Variants in EGFLAM observed in about 807,000 individuals in gnomAD.
The protein encoded by EGFLAM is EGF like, fibronectin type III and laminin G domains, also known as pikachurin.
In EGFLAM, 79 loss-of-function variants were observed where a neutral mutation model predicts 113.1. The ratio of observed to expected loss-of-function variants is 0.70; its 90% CI spans 0.58 to 0.84. EGFLAM has a LOEUF of 0.84. Among genes scored for constraint, EGFLAM ranks in the 40% least tolerant of loss-of-function variants. The pLI, the probability that EGFLAM is intolerant of heterozygous loss-of-function variation, is 0.00. For missense variants in EGFLAM, 1,265 were observed against 1,291.6 expected, an observed-to-expected ratio of 0.98 and a Z score of 0.32; for synonymous variants, 504 against 487.6, an observed-to-expected ratio of 1.03 and a Z score of -0.44.
At chr5:38,436,353 T>A (rs1455637001) in intron 16 of EGFLAM, among the ~76,000 whole-genome samples, 1 of 152,168 alleles carries the variant, frequency 6.6e-6, no homozygotes, top group African/African-American at 2.4e-5. Context: ...AGATGGAGCA[T>A]GAGGGAGGCT....
chr5:38,464,003 C>T lies in EGFLAM; in HGVS notation c.*17C>T. Reference sequence around the variant, plus strand: ...GCCAAGTAACACCAGCTGGCCTTGTCCAAGGGACAGAGCCTTCTATTCTGA... The same window carrying T: ...GCCAAGTAACACCAGCTGGCCTTGTTCAAGGGACAGAGCCTTCTATTCTGA... On this transcript the variant is annotated 3_prime_UTR_variant, in exon 22 of 22. Coordinates refer to ENST00000322350, the MANE Select transcript of EGFLAM (RefSeq NM_152403.4). 6.2e-7 allele frequency: 1 copy of T among 1,614,098 alleles called. No individual in the cohort carries two copies. The highest frequency in any genetic ancestry group is 8.5e-7 in the Non-Finnish European group (1 of 1,179,992).
At chr5:38,285,967 A>G (rs1758151443) in intron 1 of EGFLAM, 2 of 152,126 alleles carry the variant, frequency 1.3e-5, no homozygotes, top group Admixed American at 1.3e-4. Flanking sequence ...ACTTAGGTAG[A>G]CTTTCTTTTG....
intron 12 of EGFLAM, among the ~76,000 whole-genome samples, chr5:38,420,353 G>A (rs1275122834): frequency 1.3e-5 from 2 of 152,232 alleles, no homozygotes; most frequent in Non-Finnish European, 2.9e-5. Flanking sequence ...TATTAAAGCT[G>A]TCACTATGGT....
At chr5:38,433,160 A>G (rs1220927608) in intron 15 of EGFLAM, among the ~76,000 whole-genome samples, 1 of 152,190 alleles carries the variant, frequency 6.6e-6, no homozygotes, top group African/African-American at 2.4e-5. Context: ...CTGACAGGGC[A>G]GTGGTCTTAG....
intron 1 of EGFLAM, among the ~76,000 whole-genome samples, chr5:38,284,423 G>T (rs1433856617): frequency 6.6e-6 from 1 of 152,206 alleles, no homozygotes; most frequent in Non-Finnish European, 1.5e-5. Flanking sequence ...AGCAAAAGCA[G>T]CCACAGGCTA....
At chr5:38,273,486 A>G (rs1332357574) in intron 1 of EGFLAM, among the ~76,000 whole-genome samples, 2 of 152,254 alleles carry the variant, frequency 1.3e-5, no homozygotes, top group Non-Finnish European at 2.9e-5. Context: ...GTGCTGTACT[A>G]GCTTCAGTGG....
At chr5:38,418,625 A>G (rs961871564) in intron 12 of EGFLAM, among the ~76,000 whole-genome samples, 2 of 152,214 alleles carry the variant, frequency 1.3e-5, no homozygotes, top group Non-Finnish European at 2.9e-5. Flanking sequence ...TAATGTAAGA[A>G]GAGCTTTCAT....
intron 6 of EGFLAM, among the ~76,000 whole-genome samples, chr5:38,384,821 G>A (rs1740614102): frequency 6.6e-6 from 1 of 152,012 alleles, no homozygotes; most frequent in Non-Finnish European, 1.5e-5. Context: ...GTATTTGGGG[G>A]CACAATAGAG....
At chr5:38,267,784 T>A (rs1017424177) in intron 1 of EGFLAM, among the ~76,000 whole-genome samples, 2 of 152,186 alleles carry the variant, frequency 1.3e-5, no homozygotes, top group African/African-American at 4.8e-5. Context: ...TAGTGATTAT[T>A]TGAAGAACTT....
chr5:38,380,524 G>A (rs57147844), intron 6 of EGFLAM, among the ~76,000 whole-genome samples: 15,094 of 152,242 alleles, frequency 0.099, 874 homozygotes, highest in Middle Eastern at 0.14. Flanking sequence ...GAGTCAGTGA[G>A]CTTCATGGAT....
At chr5:38,434,614 A>T (rs1579926701) in intron 15 of EGFLAM, among the ~76,000 whole-genome samples, 1 of 152,236 alleles carries the variant, frequency 6.6e-6, no homozygotes, top group South Asian at 2.1e-4. Context: ...CTCATGATAC[A>T]TATCCACCAA....
Position 38,350,572 on chromosome 5 carries a change from C to G in EGFLAM, c.363C>G (p.Gly121=). Residue 121 remains glycine (G), a synonymous_variant, in exon 4 of 22, where the codon GGC becomes GGG. Transcript: ENST00000322350. ...GCATAGCAGCTTACAGCCAGGCTGG[C>G]AAAGGGCGGCTGAGCTCTCCTCGGC... is the stretch of plus-strand genomic sequence containing the variant. ...RVSIAAYSQA[G]KGRLSSPRHV... 1 of 1,613,742 alleles carries G rather than the reference C, an allele frequency of 6.2e-7. No individual in the cohort carries two copies. The highest frequency in any genetic ancestry group is 8.5e-7 in the Non-Finnish European group (1 of 1,179,844).
chr5:38,409,161 T>C, intron 10 of EGFLAM, 57 bp downstream of exon 10: 1 of 1,382,550 alleles, frequency 7.2e-7, no homozygotes, highest in South Asian at 1.4e-5. Context: ...TACATTATAT[T>C]TGCCTTTTTA....
chr5:38,385,322 C>T (rs1740633404), intron 6 of EGFLAM, among the ~76,000 whole-genome samples: 2 of 129,302 alleles, frequency 1.5e-5, no homozygotes, highest in South Asian at 2.6e-4. Context: ...CACCAACATC[C>T]AAAGATGCTC....
Position 38,454,512 on chromosome 5 carries a change from C to T in EGFLAM, c.2687+3054C>T, listed in dbSNP as rs994082303. The stretch of plus-strand genomic sequence containing the variant: ...TGATAATGATAAGAAAAATTATGAT[C>T]CTTGCTCAAGCATTTTCTGAGTCTT... On this transcript the variant is annotated intron_variant, in intron 19 of 21. Transcript: ENST00000322350. Among the ~76,000 whole-genome samples, 3 of 152,172 alleles carry T rather than the reference C, an allele frequency of 2.0e-5. 1 individual carries two copies. The highest frequency in any genetic ancestry group is 4.4e-5 in the Non-Finnish European group (3 of 68,036).
intron 1 of EGFLAM, among the ~76,000 whole-genome samples, chr5:38,282,871 G>T (rs1438498992): frequency 6.6e-6 from 1 of 152,076 alleles, no homozygotes; most frequent in Non-Finnish European, 1.5e-5. Context: ...CTGAGACAAG[G>T]TCTTCTTCTG....
intron 12 of EGFLAM, among the ~76,000 whole-genome samples, chr5:38,423,448 C>T (rs1245377523): frequency 1.3e-5 from 2 of 152,188 alleles, no homozygotes; most frequent in African/African-American, 4.8e-5. Context: ...CTACCCCCAC[C>T]TCTTAAAAAA....
intron 11 of EGFLAM, among the ~76,000 whole-genome samples, chr5:38,415,229 G>A (rs542929110): frequency 6.6e-6 from 1 of 151,930 alleles, no homozygotes; most frequent in Admixed American, 6.6e-5. Flanking sequence ...CAGGCGTGGT[G>A]GTGGGCGCCT....
chr5:38,391,384 TTGTGTGTGTGTG>T (rs758900897), intron 6 of EGFLAM, among the ~76,000 whole-genome samples: 14 of 97,960 alleles, frequency 1.4e-4, no homozygotes, highest in Admixed American at 7.8e-4. Context: ...TTTCTTTTCT[TTGTGTGTGTGTG>T]TGTGTGTGTG....
Sources: gnomAD v4.1 joint callset for allele counts (sites outside exome capture counted in the v4.1 genomes callset) on GRCh38, gnomAD v4.1.1 for gene constraint, MANE v1.5 for transcripts, NCBI Gene and HGNC (gene_info 2026-07-23, HGNC 2026-07-21) for gene names.